SLC39A11: variants seen among roughly 807,000 people sequenced by gnomAD.
SLC39A11 encodes the protein solute carrier family 39 member 11, also known as zinc transporter ZIP11.
Under a neutral mutation model 36.1 loss-of-function variants are expected in SLC39A11, and 33 were observed. The observed-to-expected ratio is 0.91, with a 90% confidence interval of 0.69 to 1.22. The LOEUF (loss-of-function observed/expected upper bound fraction) is 1.22. Among genes scored for constraint, SLC39A11 ranks in the 50% most tolerant of loss-of-function variants. SLC39A11 has a pLI of 0.00. For missense variants in SLC39A11, 432 were observed against 430.3 expected (o/e 1.00, Z -0.03); for synonymous variants, 166 against 170.3 (o/e 0.97, Z 0.20).
intron 6 of SLC39A11, among the ~76,000 whole-genome samples, chr17:72,770,377 C>T (rs1012957621): frequency 2.6e-5 from 4 of 152,172 alleles, no homozygotes; most frequent in South Asian, 2.1e-4. Flanking sequence ...TAAAAAAGTT[C>T]GGGAGCCAGA....
Position 72,798,073 on chromosome 17 carries a change from C to T in SLC39A11, c.601+51561G>A, listed in dbSNP as rs147926606. The stretch of plus-strand genomic sequence containing the variant: ...GGGCTGGAATCATGCTGAGCCTTCC[C>T]GTTTGGGCACGTGGAGATGGGTGTA... On this transcript the variant is annotated intron_variant, in intron 6 of 9. Coordinates refer to ENST00000255559, the MANE Select transcript of SLC39A11 (RefSeq NM_139177.4). Among the ~76,000 whole-genome samples, 52 of 152,156 alleles carry T rather than the reference C, an allele frequency of 3.4e-4. 2 individuals carry two copies. In the Middle Eastern group the frequency reaches 0.01, roughly 30 times the overall value.
At chr17:72,787,518 A>T (rs2076562806) in intron 6 of SLC39A11, among the ~76,000 whole-genome samples, 2 of 151,676 alleles carry the variant, frequency 1.3e-5, no homozygotes, top group South Asian at 4.2e-4. Flanking sequence ...TGGCCTCCCA[A>T]AGTGCTGGGA....
intron 5 of SLC39A11, among the ~76,000 whole-genome samples, chr17:72,912,399 G>A (rs1213273471): frequency 6.6e-6 from 1 of 151,872 alleles, no homozygotes; most frequent in African/African-American, 2.4e-5. Flanking sequence ...AGAGAAAGTG[G>A]CTGTTAACAT....
intron 3 of SLC39A11, among the ~76,000 whole-genome samples, chr17:73,052,792 C>G (rs1429454168): frequency 6.6e-6 from 1 of 152,166 alleles, no homozygotes; most frequent in African/African-American, 2.4e-5. Context: ...CCTCCACCTC[C>G]CGGGTTCAAG....
chr17:72,673,380 A>C (rs1010055009), intron 7 of SLC39A11, among the ~76,000 whole-genome samples: 1 of 151,986 alleles, frequency 6.6e-6, no homozygotes, highest in Non-Finnish European at 1.5e-5. Flanking sequence ...TGGGATTACA[A>C]GTGTGAGCCA....
At chr17:72,730,626 C>T (rs2143831791) in intron 7 of SLC39A11, among the ~76,000 whole-genome samples, 1 of 152,274 alleles carries the variant, frequency 6.6e-6, no homozygotes, top group South Asian at 2.1e-4. Flanking sequence ...CTATACCTCT[C>T]TCTCTCATTA....
intron 3 of SLC39A11, among the ~76,000 whole-genome samples, chr17:73,072,922 G>A (rs1408290267): frequency 6.6e-6 from 1 of 152,274 alleles, no homozygotes; most frequent in Non-Finnish European, 1.5e-5. Flanking sequence ...GCCCACGCCT[G>A]TAATCCCAGC....
intron 6 of SLC39A11, among the ~76,000 whole-genome samples, chr17:72,815,246 C>A (rs1043309757): frequency 6.6e-6 from 1 of 152,180 alleles, no homozygotes; most frequent in African/African-American, 2.4e-5. Flanking sequence ...GGAGAGCCAA[C>A]AGAACAGGTT....
At chr17:72,840,194 T>A (rs773953361) in intron 6 of SLC39A11, among the ~76,000 whole-genome samples, 1 of 152,180 alleles carries the variant, frequency 6.6e-6, no homozygotes, top group African/African-American at 2.4e-5. Flanking sequence ...GAGCTGGCAA[T>A]GAGGACAGGC....
At chr17:72,946,545 CT>C (rs1179759401) in intron 5 of SLC39A11, among the ~76,000 whole-genome samples, 1 of 152,214 alleles carries the variant, frequency 6.6e-6, no homozygotes, top group Non-Finnish European at 1.5e-5. Flanking sequence ...AAGGACTGTT[CT>C]CCCTGAAATC....
In SLC39A11 at chr17:72,820,493, C is replaced by T. The variant is rs116844738; in HGVS notation, c.601+29141G>A. Among the ~76,000 whole-genome samples, 3 of 151,338 alleles carry T rather than the reference C, an allele frequency of 2.0e-5. No individual in the cohort carries two copies. In the East Asian group the frequency reaches 5.8e-4, roughly 29 times the overall value. The stretch of plus-strand genomic sequence containing the variant: ...GAGCACCCTCACAACCTCCCTTCAA[C>T]AGGAGCACCCTCTCTCTCCTGCCAC... On this transcript the variant is annotated intron_variant, in intron 6 of 9. Coordinates refer to ENST00000255559, the MANE Select transcript of SLC39A11 (RefSeq NM_139177.4).
intron 7 of SLC39A11, among the ~76,000 whole-genome samples, chr17:72,717,350 G>A (rs2073451289): frequency 6.6e-6 from 1 of 151,940 alleles, no homozygotes; most frequent in Admixed American, 6.6e-5. Context: ...AGTACCACAG[G>A]GATTTGTTCT....
At chr17:72,964,710 T>A (rs972579492) in intron 4 of SLC39A11, among the ~76,000 whole-genome samples, 7 of 152,166 alleles carry the variant, frequency 4.6e-5, no homozygotes, top group Non-Finnish European at 8.8e-5. Context: ...CTCAGGGATC[T>A]AGAACTAGAA....
chr17:72,821,157 A>G (rs971985705), intron 6 of SLC39A11, among the ~76,000 whole-genome samples: 1 of 150,494 alleles, frequency 6.6e-6, no homozygotes, highest in African/African-American at 2.4e-5. Context: ...GAATGAGATC[A>G]TCATGCAGTA....
intron 4 of SLC39A11, among the ~76,000 whole-genome samples, chr17:73,028,306 G>T (rs930453556): frequency 6.6e-6 from 1 of 152,084 alleles, no homozygotes; most frequent in African/African-American, 2.4e-5. Context: ...TTGGCCAACC[G>T]CAACGACTCA....
chr17:72,769,039 C>T (rs113233842), intron 6 of SLC39A11, among the ~76,000 whole-genome samples: 2,646 of 152,268 alleles, frequency 0.017, 76 homozygotes, highest in African/African-American at 0.059. Flanking sequence ...GGATTATAGG[C>T]GTGAGCCACT....
At chr17:72,702,310 T>C (rs1463195013) in intron 7 of SLC39A11, among the ~76,000 whole-genome samples, 1 of 152,148 alleles carries the variant, frequency 6.6e-6, no homozygotes, top group Non-Finnish European at 1.5e-5. Flanking sequence ...CTTCAAGTGC[T>C]TGAAGCATGT....
chr17:72,973,490 G>A (rs1452929750), intron 4 of SLC39A11, among the ~76,000 whole-genome samples: 1 of 152,168 alleles, frequency 6.6e-6, no homozygotes, highest in Admixed American at 6.5e-5. Context: ...TGTAGGTCTA[G>A]GAATTATAGG....
At chr17:72,669,567 G>A (rs1356193791) in intron 7 of SLC39A11, among the ~76,000 whole-genome samples, 1 of 152,192 alleles carries the variant, frequency 6.6e-6, no homozygotes, top group East Asian at 1.9e-4. Flanking sequence ...GAGGGCACAG[G>A]AAAACTCGAT....
Sources: gnomAD v4.1 joint callset for allele counts (sites outside exome capture counted in the v4.1 genomes callset) on GRCh38, gnomAD v4.1.1 for gene constraint, MANE v1.5 for transcripts, NCBI Gene and HGNC (gene_info 2026-07-23, HGNC 2026-07-21) for gene names.